The following RAB28 variants were observed in gnomAD, a reference collection of about 807,000 sequenced individuals.
RAB28 encodes ras-related protein Rab-28.
Under a neutral mutation model 31.7 loss-of-function variants are expected in RAB28, and 24 were observed. That is an observed-to-expected ratio of 0.76 (90% CI 0.55 to 1.06). The LOEUF (loss-of-function observed/expected upper bound fraction) is 1.06, where lower values mean the gene tolerates loss of function less well. Ranked by LOEUF, RAB28 falls within the 50% of genes least tolerant of loss-of-function variation. The probability of loss-of-function intolerance (pLI) is 0.00; values close to 1 mark genes in which losing one functional copy is unlikely to be tolerated. For missense variants in RAB28, 254 were observed against 258.5 expected, an observed-to-expected ratio of 0.98 and a Z score of 0.12; for synonymous variants, 100 against 90.4, an observed-to-expected ratio of 1.11 and a Z score of -0.60.
At chr4:13,371,425 C>A (rs889215726) in intron 6 of RAB28, 97 of 985,160 alleles carry the variant, frequency 9.8e-5, no homozygotes, top group Non-Finnish European at 1.1e-4. Context: ...ATTAATCCAA[C>A]AAAATGTTGG....
At chr4:13,381,978 C>T (rs1404638933) in intron 4 of RAB28, among the ~76,000 whole-genome samples, 1 of 152,184 alleles carries the variant, frequency 6.6e-6, no homozygotes, top group Non-Finnish European at 1.5e-5. Flanking sequence ...GCAAGTTGTA[C>T]TTACCCAAGC....
intron 4 of RAB28, among the ~76,000 whole-genome samples, chr4:13,455,432 G>A (rs1036090210): frequency 6.6e-5 from 10 of 152,320 alleles, no homozygotes; most frequent in Admixed American, 1.3e-4. Flanking sequence ...AGTCACAGCC[G>A]ATCATGGGCC....
At position 13,415,664 on chromosome 4, in the gene RAB28, C is replaced by T. The variant is rs534173464; in HGVS notation, c.392-34070G>A. 1.7e-4 allele frequency among the ~76,000 whole-genome samples: 26 copies of T among 152,264 alleles called. 1 individual carries two copies. The South Asian group carries it at 5.4e-3, about 32-fold the overall frequency. ...CCTGAGCCTCCCCCGCCCCCTCCAACCACGCCACCCTGGGCTCCTGTGTGG... is the reference window on the plus strand; with the variant it reads ...CCTGAGCCTCCCCCGCCCCCTCCAATCACGCCACCCTGGGCTCCTGTGTGG... On this transcript the variant is annotated intron_variant, in intron 4 of 6. Transcript: ENST00000330852.
chr4:13,368,574 A>G lies in RAB28; in HGVS notation c.650T>C (p.Met217Thr). The G allele has an allele frequency of 6.2e-7, 1 of 1,612,146 alleles. No individual in the cohort carries two copies. Among genetic ancestry groups the G allele is most frequent in the Non-Finnish European group, 8.5e-7 (1 of 1,178,910 alleles). ...AAAATGCGCTCACTGAACTGCACACATAGAGCTTCTAGGAGGGTTAACAGT... is the reference window on the plus strand; with the variant it reads ...AAAATGCGCTCACTGAACTGCACACGTAGAGCTTCTAGGAGGGTTAACAGT... ...SRTVNPPRSS[M>T]CAVQ Residue 217 changes from methionine (M) to threonine (T), a missense_variant, in exon 7 of 7, where the codon ATG becomes ACG. Coordinates refer to ENST00000330852, the MANE Select transcript of RAB28 (RefSeq NM_001017979.3).
intron 3 of RAB28, among the ~76,000 whole-genome samples, chr4:13,470,796 T>C (rs1280265352): frequency 6.6e-6 from 1 of 152,120 alleles, no homozygotes; most frequent in Non-Finnish European, 1.5e-5. Flanking sequence ...CATATTTCAA[T>C]TCTTAGAACT....
intron 6 of RAB28, chr4:13,371,884 T>C (rs1023960748): frequency 2.0e-6 from 3 of 1,516,952 alleles, no homozygotes; most frequent in African/African-American, 1.4e-5. Context: ...GGAAAAGAGT[T>C]ATATGGGTGA....
At chr4:13,432,861 T>C (rs749159219) in intron 4 of RAB28, among the ~76,000 whole-genome samples, 1 of 151,736 alleles carries the variant, frequency 6.6e-6, no homozygotes, top group Non-Finnish European at 1.5e-5. Flanking sequence ...AATTACACAA[T>C]TGAGACTAGA....
chr4:13,460,664 A>C (rs1485831307), intron 4 of RAB28, 35 bp downstream of exon 4: 3 of 1,612,994 alleles, frequency 1.9e-6, no homozygotes, highest in Non-Finnish European at 1.7e-6. Flanking sequence ...CAGCAAGTAA[A>C]CTGTACCATA....
intron 4 of RAB28, among the ~76,000 whole-genome samples, chr4:13,404,771 C>G (rs1711976363): frequency 6.6e-6 from 1 of 152,108 alleles, no homozygotes; most frequent in Non-Finnish European, 1.5e-5. Flanking sequence ...CCAATCAACT[C>G]TGATGTCCAT....
intron 4 of RAB28, among the ~76,000 whole-genome samples, chr4:13,406,015 T>C (rs764327110): frequency 6.6e-6 from 1 of 152,170 alleles, no homozygotes; most frequent in Non-Finnish European, 1.5e-5. Context: ...AAAATTATTA[T>C]TATACTTTTA....
chr4:13,385,422 T>C (rs542824380), intron 4 of RAB28, among the ~76,000 whole-genome samples: 3 of 151,924 alleles, frequency 2.0e-5, no homozygotes, highest in Non-Finnish European at 2.9e-5. Flanking sequence ...AAGGTTGAAA[T>C]AAAAGGAAAA....
chr4:13,444,953 G>C (rs570361955), intron 4 of RAB28, among the ~76,000 whole-genome samples: 3 of 152,128 alleles, frequency 2.0e-5, no homozygotes, highest in South Asian at 4.2e-4. Flanking sequence ...AGGTCTCCTG[G>C]ATAATATCCT....
intron 2 of RAB28, among the ~76,000 whole-genome samples, chr4:13,476,946 T>C (rs1167672841): frequency 6.7e-6 from 1 of 149,012 alleles, no homozygotes; most frequent in African/African-American, 2.5e-5. Context: ...ACCAAGAGGG[T>C]TCAACAGTGA....
Position 13,368,667 on chromosome 4 carries a change from C to G in RAB28, c.574-17G>C, listed in dbSNP as rs912430166. 6.3e-7 allele frequency: 1 copy of G among 1,593,286 alleles called. No homozygotes were observed. Among genetic ancestry groups the G allele is most frequent in the African/African-American group, 1.3e-5 (1 of 74,108 alleles). Reference sequence around the variant, plus strand: ...CACCACCCTCTGTCATAAAAGAAAACAGAGTTATTATCAGGATATCAGAAC... The same window carrying G: ...CACCACCCTCTGTCATAAAAGAAAAGAGAGTTATTATCAGGATATCAGAAC... On this transcript the variant is annotated splice_polypyrimidine_tract_variant and intron_variant, in intron 6 of 6. Transcript: ENST00000330852.
intron 4 of RAB28, among the ~76,000 whole-genome samples, chr4:13,428,200 G>A (rs946391586): frequency 1.3e-5 from 2 of 152,230 alleles, no homozygotes; most frequent in Admixed American, 1.3e-4. Context: ...CTGTCTGCCT[G>A]TGGATTTCAT....
At chr4:13,372,294 T>C (rs756030702) in intron 6 of RAB28, among the ~76,000 whole-genome samples, 1 of 152,074 alleles carries the variant, frequency 6.6e-6, no homozygotes, top group Non-Finnish European at 1.5e-5. Context: ...AGCATGGATA[T>C]AGGATATAAC....
At chr4:13,374,488 T>C (rs1001550008) in intron 6 of RAB28, among the ~76,000 whole-genome samples, 5 of 152,096 alleles carry the variant, frequency 3.3e-5, no homozygotes, top group African/African-American at 1.2e-4. Context: ...ACTGCACAGC[T>C]CAGGCAGTAC....
chr4:13,465,723 T>C (rs907884899), intron 3 of RAB28, among the ~76,000 whole-genome samples: 1 of 148,452 alleles, frequency 6.7e-6, no homozygotes, highest in Non-Finnish European at 1.5e-5. Context: ...ATGAGTACCA[T>C]GAAAAAGCTC....
chr4:13,426,745 A>G (rs1713518357), intron 4 of RAB28, among the ~76,000 whole-genome samples: 1 of 152,210 alleles, frequency 6.6e-6, no homozygotes. Context: ...TATACTGATG[A>G]GATTACATTC....
Sources: allele counts gnomAD v4.1 joint callset (sites outside exome capture counted in the v4.1 genomes callset), GRCh38; gene constraint gnomAD v4.1.1; transcripts MANE v1.5; gene names NCBI Gene and HGNC (gene_info 2026-07-23, HGNC 2026-07-21).